NT5DC1: variants seen among roughly 807,000 people sequenced by gnomAD.
NT5DC1 encodes 5'-nucleotidase domain containing 1.
In NT5DC1, 42 loss-of-function variants were observed where a neutral mutation model predicts 59.4. The observed-to-expected ratio is 0.71, with a 90% CI of 0.55 to 0.92. NT5DC1 has a LOEUF of 0.92. Ranked by LOEUF, NT5DC1 falls within the 40% of genes least tolerant of loss-of-function variation. The pLI is 0.00. For synonymous variants in NT5DC1, 172 were observed against 188.1 expected (o/e 0.91, Z 0.70); for missense variants, 501 against 537.1 (o/e 0.93, Z 0.66).
intron 6 of NT5DC1, among the ~76,000 whole-genome samples, chr6:116,178,286 C>A (rs1182238366): frequency 6.6e-6 from 1 of 152,158 alleles, no homozygotes; most frequent in Non-Finnish European, 1.5e-5. Context: ...CCCTGCTTCG[C>A]TTCTGAGATC....
intron 6 of NT5DC1, among the ~76,000 whole-genome samples, chr6:116,141,044 G>T (rs1205821163): frequency 6.6e-6 from 1 of 152,024 alleles, no homozygotes; most frequent in Non-Finnish European, 1.5e-5. Context: ...TTTCTAAATT[G>T]TTTCATGTTT....
intron 1 of NT5DC1, 126 bp downstream of exon 1, chr6:116,101,149 A>G (rs369359313): frequency 3.0e-6 from 2 of 659,854 alleles, no homozygotes; most frequent in African/African-American, 3.9e-5. Flanking sequence ...CTTGCCGCAG[A>G]GCGCGGCCTC....
chr6:116,105,818 C>A (rs1778755201), intron 1 of NT5DC1, among the ~76,000 whole-genome samples: 2 of 151,944 alleles, frequency 1.3e-5, no homozygotes, highest in African/African-American at 4.8e-5. Context: ...GTTTAGATCA[C>A]CTTCCTGGTC....
chr6:116,191,287 A>C (rs1482868934), intron 6 of NT5DC1, among the ~76,000 whole-genome samples: 2 of 152,080 alleles, frequency 1.3e-5, no homozygotes, highest in Admixed American at 1.3e-4. Flanking sequence ...TTCAAGATGC[A>C]AAACAAGGAA....
rs546051907 is a variant in NT5DC1, at chr6:116,189,395, C to T, written c.530-31659C>T. Among the ~76,000 whole-genome samples the T allele has an allele frequency of 2.0e-4, 30 of 151,850 alleles. No individual in the cohort carries two copies. In the East Asian group the frequency reaches 4.5e-3, roughly 23 times the overall value. On this transcript the variant is annotated intron_variant, in intron 6 of 11. Coordinates refer to ENST00000319550, the MANE Select transcript of NT5DC1 (RefSeq NM_152729.3). ...TATATTTACATTTATTTTTTGTCTT[C>T]GTAGTCTTGACATTTTATTCTGATT...
At chr6:116,107,714 A>C (rs1778792135) in intron 2 of NT5DC1, among the ~76,000 whole-genome samples, 1 of 151,276 alleles carries the variant, frequency 6.6e-6, no homozygotes, top group Non-Finnish European at 1.5e-5. Context: ...CTGGGACTAC[A>C]GGCGCCCGCC....
intron 6 of NT5DC1, among the ~76,000 whole-genome samples, chr6:116,136,593 A>C (rs1425994153): frequency 1.3e-5 from 2 of 152,196 alleles, no homozygotes; most frequent in South Asian, 4.1e-4. Flanking sequence ...AACACTTACT[A>C]TAAATTGCTG....
At chr6:116,138,046 C>CCCG (rs111959246) in intron 6 of NT5DC1, among the ~76,000 whole-genome samples, 4,938 of 152,098 alleles carry the variant, frequency 0.032, 281 homozygotes, top group African/African-American at 0.11. Flanking sequence ...CCACTGCACT[C>CCCG]CCGCCTGGGT....
intron 6 of NT5DC1, among the ~76,000 whole-genome samples, chr6:116,217,770 T>G (rs1324600365): frequency 6.6e-6 from 1 of 152,168 alleles, no homozygotes; most frequent in Non-Finnish European, 1.5e-5. Flanking sequence ...CAGAAAGATA[T>G]ATTTCTTGCC....
intron 4 of NT5DC1, among the ~76,000 whole-genome samples, chr6:116,113,823 G>T (rs975796806): frequency 6.6e-6 from 1 of 152,174 alleles, no homozygotes; most frequent in African/African-American, 2.4e-5. Context: ...AAAAGCAAGG[G>T]TATGTAACTG....
At chr6:116,120,305 T>C (rs1312690808) in intron 6 of NT5DC1, 2 of 1,614,106 alleles carry the variant, frequency 1.2e-6, no homozygotes, top group East Asian at 2.2e-5. Context: ...CCCTTTCACA[T>C]GCACGTGGTA....
intron 6 of NT5DC1, among the ~76,000 whole-genome samples, chr6:116,218,228 G>A (rs1204792): frequency 0.23 from 35,280 of 151,960 alleles, 4,375 homozygotes; most frequent in East Asian, 0.31. Flanking sequence ...ATTTAAATGC[G>A]TATGCCTTGT....
At chr6:116,101,966 G>C (rs1778666613) in intron 1 of NT5DC1, among the ~76,000 whole-genome samples, 1 of 152,224 alleles carries the variant, frequency 6.6e-6, no homozygotes, top group Non-Finnish European at 1.5e-5. Context: ...TGACTTCGAG[G>C]AAGTTACTTA....
intron 8 of NT5DC1, among the ~76,000 whole-genome samples, chr6:116,224,523 C>G (rs1429704107): frequency 6.6e-6 from 1 of 152,192 alleles, no homozygotes; most frequent in Non-Finnish European, 1.5e-5. Context: ...GCCAGGGAAG[C>G]TCTGTCCAAA....
intron 6 of NT5DC1, among the ~76,000 whole-genome samples, chr6:116,167,206 ATTTTTTT>A (rs61348980): frequency 4.6e-5 from 4 of 87,796 alleles, no homozygotes; most frequent in African/African-American, 1.5e-4. Context: ...CAAATAGAAG[ATTTTTTT>A]TTTTTTTTTT....
chr6:116,212,142 C>A (rs1781592468), intron 6 of NT5DC1, among the ~76,000 whole-genome samples: 1 of 151,910 alleles, frequency 6.6e-6, no homozygotes, highest in Admixed American at 6.6e-5. Context: ...AAGTTAATAA[C>A]TCTGTCAAAA....
At chr6:116,162,255 G>A (rs1780353199) in intron 6 of NT5DC1, among the ~76,000 whole-genome samples, 1 of 152,076 alleles carries the variant, frequency 6.6e-6, no homozygotes, top group Non-Finnish European at 1.5e-5. Flanking sequence ...TTTCCGATTT[G>A]GATGCCTTTA....
At chr6:116,177,204 A>G (rs910688171) in intron 6 of NT5DC1, among the ~76,000 whole-genome samples, 1 of 152,206 alleles carries the variant, frequency 6.6e-6, no homozygotes, top group Non-Finnish European at 1.5e-5. Context: ...TCTCAATACA[A>G]ATAATTAAGT....
In NT5DC1 at chr6:116,115,785, ATT is replaced by A; in HGVS notation, c.444+20_444+21del. 1.5e-6 allele frequency: 2 copies of A among 1,350,122 alleles called. No homozygotes were observed. Among genetic ancestry groups the A allele is most frequent in the Non-Finnish European group, 2.1e-6 (2 of 940,040 alleles). The allele number at this position is 1,350,122 out of a possible 1,614,324, so 83.6% of individuals were successfully genotyped here. On this transcript the variant is annotated intron_variant, in intron 5 of 11. Coordinates refer to ENST00000319550, the MANE Select transcript of NT5DC1 (RefSeq NM_152729.3). ...ATTTAACAAAAGTAAGTGGGGACTC[ATT>A]TTTTAAAACTATGATATGTAGTCAG...
Sources: gnomAD v4.1 joint callset for allele counts (sites outside exome capture counted in the v4.1 genomes callset) on GRCh38, gnomAD v4.1.1 for gene constraint, MANE v1.5 for transcripts, NCBI Gene and HGNC (gene_info 2026-07-23, HGNC 2026-07-21) for gene names.